The following VWC2L variants were observed in gnomAD, a reference collection of about 807,000 sequenced individuals.
The protein encoded by VWC2L is von Willebrand factor C domain containing 2 like, also known as von Willebrand factor C domain-containing protein 2-like.
Under a neutral mutation model 21.6 loss-of-function variants are expected in VWC2L, and 10 were observed. That is an observed-to-expected ratio of 0.46 (90% CI 0.29 to 0.78). The LOEUF (loss-of-function observed/expected upper bound fraction) is 0.78, where lower values mean the gene tolerates loss of function less well. Among genes scored for constraint, VWC2L ranks in the 30% least tolerant of loss-of-function variants. The pLI is 0.10. For missense variants in VWC2L, 209 were observed against 277.1 expected, an observed-to-expected ratio of 0.75 and a Z score of 1.74; for synonymous variants, 96 against 94.3, an observed-to-expected ratio of 1.02 and a Z score of -0.10.
At chr2:214,501,839 A>G (rs1361514347) in intron 3 of VWC2L, among the ~76,000 whole-genome samples, 1 of 151,974 alleles carries the variant, frequency 6.6e-6, no homozygotes, top group African/African-American at 2.4e-5. Flanking sequence ...GACTCCAGCT[A>G]CCCTGCTGTA....
intron 3 of VWC2L, among the ~76,000 whole-genome samples, chr2:214,457,098 T>C (rs779087370): frequency 2.6e-5 from 4 of 152,124 alleles, no homozygotes; most frequent in Non-Finnish European, 4.4e-5. Flanking sequence ...AAAATTTCTG[T>C]GAAAAATGTT....
chr2:214,464,598 C>A (rs1703189571), intron 3 of VWC2L, among the ~76,000 whole-genome samples: 1 of 152,170 alleles, frequency 6.6e-6, no homozygotes, highest in Non-Finnish European at 1.5e-5. Flanking sequence ...GAAGCCAACA[C>A]AGACCTAGGT....
chr2:214,451,297 GT>G (rs1433424041), intron 3 of VWC2L, among the ~76,000 whole-genome samples: 1 of 105,354 alleles, frequency 9.5e-6, no homozygotes, highest in Non-Finnish European at 1.9e-5. Flanking sequence ...GGAAGGATAA[GT>G]GGGTCGGTGT....
chr2:214,557,996 A>G (rs890164216), intron 3 of VWC2L, among the ~76,000 whole-genome samples: 4 of 152,132 alleles, frequency 2.6e-5, no homozygotes, highest in Non-Finnish European at 5.9e-5. Flanking sequence ...TCCATTCATC[A>G]GTCTTCCCCA....
intron 3 of VWC2L, among the ~76,000 whole-genome samples, chr2:214,508,392 CCA>C (rs1427203654): frequency 6.6e-6 from 1 of 152,134 alleles, no homozygotes; most frequent in Admixed American, 6.5e-5. Context: ...CCTTTTCATC[CCA>C]CATTTTCCCT....
In VWC2L at chr2:214,575,742, C is replaced by T. The variant is rs374834828; in HGVS notation, c.591C>T (p.Ile197=). 17 of 1,613,484 alleles carry T rather than the reference C, an allele frequency of 1.1e-5. No homozygotes were observed. Among genetic ancestry groups the T allele is most frequent in the Non-Finnish European group, 1.2e-5 (14 of 1,179,580 alleles). ...AAGTGAAAGTGGACGAATGTAACAT[C>T]TGTCATTGTCACAACGGGGACTGGT... ...GIEVKVDECN[I]CHCHNGDWWK... Residue 197 remains isoleucine (I), a synonymous_variant, in exon 4 of 4, where the codon ATC becomes ATT. Coordinates refer to ENST00000312504, the MANE Select transcript of VWC2L (RefSeq NM_001080500.4).
chr2:214,546,270 T>C (rs1433514142), intron 3 of VWC2L, among the ~76,000 whole-genome samples: 1 of 152,190 alleles, frequency 6.6e-6, no homozygotes, highest in African/African-American at 2.4e-5. Context: ...TTTTGGCACA[T>C]AGCTGACAAG....
intron 3 of VWC2L, among the ~76,000 whole-genome samples, chr2:214,533,836 A>C (rs1172158748): frequency 6.6e-6 from 1 of 152,148 alleles, no homozygotes; most frequent in Non-Finnish European, 1.5e-5. Flanking sequence ...GGAGTTATCT[A>C]AGGATAACAG....
At chr2:214,462,280 C>T (rs566003886) in intron 3 of VWC2L, among the ~76,000 whole-genome samples, 1 of 152,308 alleles carries the variant, frequency 6.6e-6, no homozygotes, top group East Asian at 1.9e-4. Flanking sequence ...TCACAAGAGT[C>T]CACAGTGGGA....
chr2:214,428,151 G>A (rs1211507758), intron 2 of VWC2L, among the ~76,000 whole-genome samples: 7 of 152,118 alleles, frequency 4.6e-5, no homozygotes, highest in Non-Finnish European at 8.8e-5. Flanking sequence ...AAGCTATGAT[G>A]GCAATCATAG....
chr2:214,428,257 AT>A (rs1187767299), intron 2 of VWC2L, among the ~76,000 whole-genome samples: 1 of 152,200 alleles, frequency 6.6e-6, no homozygotes, highest in Non-Finnish European at 1.5e-5. Flanking sequence ...CACTCTTAAT[AT>A]TTTATTATTA....
At chr2:214,461,202 TG>T (rs1331335601) in intron 3 of VWC2L, among the ~76,000 whole-genome samples, 1 of 152,102 alleles carries the variant, frequency 6.6e-6, no homozygotes, top group African/African-American at 2.4e-5. Context: ...ACACAGGCAC[TG>T]GTGGTAGTGG....
intron 3 of VWC2L, among the ~76,000 whole-genome samples, chr2:214,496,245 T>TTATTTTGGGACATATATATATATATATA (rs1553594758): frequency 8.4e-5 from 12 of 142,626 alleles, no homozygotes; most frequent in African/African-American, 1.5e-4. Flanking sequence ...TATTACAATC[T>TTATTTTGGGACATATATATATATATATA]TATGGGACAA....
intron 3 of VWC2L, among the ~76,000 whole-genome samples, chr2:214,497,510 A>C (rs1688829150): frequency 6.6e-6 from 1 of 152,146 alleles, no homozygotes; most frequent in Non-Finnish European, 1.5e-5. Flanking sequence ...TATTATACTC[A>C]TTGCTGCAGT....
intron 3 of VWC2L, among the ~76,000 whole-genome samples, chr2:214,490,626 A>G (rs1688732941): frequency 6.6e-6 from 1 of 152,182 alleles, no homozygotes; most frequent in Non-Finnish European, 1.5e-5. Flanking sequence ...CCAAAAAGAG[A>G]GTACAAAGGG....
At chr2:214,472,197 C>T (rs2126193378) in intron 3 of VWC2L, 1 of 152,228 alleles carries the variant, frequency 6.6e-6, no homozygotes, top group Non-Finnish European at 1.5e-5. Context: ...TGCAGCAATG[C>T]CCCTAACCAG....
intron 3 of VWC2L, among the ~76,000 whole-genome samples, chr2:214,453,845 C>G (rs975078561): frequency 6.6e-6 from 1 of 151,850 alleles, no homozygotes; most frequent in African/African-American, 2.4e-5. Context: ...CTCAGCCTCC[C>G]AAGTAGCTAA....
chr2:214,468,134 A>G (rs954398421), intron 3 of VWC2L, among the ~76,000 whole-genome samples: 2 of 151,970 alleles, frequency 1.3e-5, no homozygotes, highest in African/African-American at 2.4e-5. Context: ...CTCCTGCCTC[A>G]GCCTCCTGAG....
intron 3 of VWC2L, among the ~76,000 whole-genome samples, chr2:214,532,319 G>C (rs957748837): frequency 6.6e-6 from 1 of 152,030 alleles, no homozygotes; most frequent in African/African-American, 2.4e-5. Flanking sequence ...GATAAAATCT[G>C]ATCTTTTGCT....
Sources: gnomAD v4.1 joint callset for allele counts (sites outside exome capture counted in the v4.1 genomes callset) on GRCh38, gnomAD v4.1.1 for gene constraint, MANE v1.5 for transcripts, NCBI Gene and HGNC (gene_info 2026-07-23, HGNC 2026-07-21) for gene names.